ADAMTS12: variants seen among roughly 807,000 people sequenced by gnomAD.
ADAMTS12 encodes the protein A disintegrin and metalloproteinase with thrombospondin motifs 12.
Under a neutral mutation model 167.8 loss-of-function variants are expected in ADAMTS12, and 118 were observed. The observed-to-expected ratio is 0.70, with a 90% CI of 0.61 to 0.82. ADAMTS12 has a LOEUF of 0.82. Ranked by LOEUF, ADAMTS12 falls within the 40% of genes least tolerant of loss-of-function variation. ADAMTS12 has a pLI of 0.00. For missense variants in ADAMTS12, 1,916 were observed against 1,998.8 expected, an observed-to-expected ratio of 0.96 and a Z score of 0.79; for synonymous variants, 704 against 716.9, an observed-to-expected ratio of 0.98 and a Z score of 0.29.
chr5:33,687,105 A>T (rs562127696), intron 3 of ADAMTS12, among the ~76,000 whole-genome samples: 14 of 150,188 alleles, frequency 9.3e-5, no homozygotes, highest in Non-Finnish European at 1.6e-4. Flanking sequence ...TTTTTTAAAG[A>T]CATCTTTAAA....
At chr5:33,812,601 T>C (rs1747503363) in intron 2 of ADAMTS12, among the ~76,000 whole-genome samples, 3 of 152,244 alleles carry the variant, frequency 2.0e-5, no homozygotes, top group Admixed American at 2.0e-4. Flanking sequence ...TTGGACTTCA[T>C]GTAAATAAAT....
chr5:33,874,283 A>T (rs1487335590), intron 2 of ADAMTS12, among the ~76,000 whole-genome samples: 2 of 152,366 alleles, frequency 1.3e-5, no homozygotes, highest in Middle Eastern at 3.4e-3. Flanking sequence ...CAGGAACCTC[A>T]CTGAAGAAGA....
At chr5:33,598,159 C>A (rs995318736) in intron 16 of ADAMTS12, among the ~76,000 whole-genome samples, 5 of 152,162 alleles carry the variant, frequency 3.3e-5, no homozygotes, top group African/African-American at 1.2e-4. Flanking sequence ...AGTTTCTCCA[C>A]TGACATTAAT....
intron 2 of ADAMTS12, among the ~76,000 whole-genome samples, chr5:33,842,364 T>A (rs1455566889): frequency 1.1e-4 from 16 of 152,222 alleles, no homozygotes; most frequent in Admixed American, 1.0e-3. Context: ...AGGGAACTAT[T>A]ACAAATTATT....
At chr5:33,826,370 T>C (rs1364257031) in intron 2 of ADAMTS12, among the ~76,000 whole-genome samples, 2 of 151,932 alleles carry the variant, frequency 1.3e-5, no homozygotes, top group Admixed American at 6.6e-5. Flanking sequence ...AAAATGTTAA[T>C]AAAAAATAGT....
At chr5:33,800,177 T>C (rs1037690917) in intron 2 of ADAMTS12, among the ~76,000 whole-genome samples, 1 of 152,234 alleles carries the variant, frequency 6.6e-6, no homozygotes, top group Non-Finnish European at 1.5e-5. Flanking sequence ...ATTTGGTGAA[T>C]AGCTCAGTCA....
At chr5:33,866,310 T>A (rs187741780) in intron 2 of ADAMTS12, among the ~76,000 whole-genome samples, 1 of 152,240 alleles carries the variant, frequency 6.6e-6, no homozygotes, top group African/African-American at 2.4e-5. Context: ...CTCACTGATC[T>A]TTGACAAAAA....
chr5:33,546,070 T>C lies in ADAMTS12; in HGVS notation c.4435A>G (p.Asn1479Asp), dbSNP rs1455540117. The C allele has an allele frequency of 1.2e-6, 2 of 1,611,884 alleles. No homozygotes were observed. Among genetic ancestry groups the C allele is most frequent in the Non-Finnish European group, 1.7e-6 (2 of 1,179,476 alleles). The change falls in exon 22 of 24, where the codon AAC (asparagine) becomes GAC (aspartate). Residue 1479 changes from asparagine (N) to aspartate (D), a missense_variant. Coordinates refer to ENST00000504830, the MANE Select transcript of ADAMTS12 (RefSeq NM_030955.4). Reference sequence around the variant, plus strand: ...TAACCAAGTCTTACCAGGTCCCAGTTCCCAGTGGCCCAGTGACAGCACAGG... The same window carrying C: ...TAACCAAGTCTTACCAGGTCCCAGTCCCCAGTGGCCCAGTGACAGCACAGG... The part of the protein sequence containing the change: ...EHLCCHWATG[N>D]WDLCSTSCGG...
rs974483367 is a variant in ADAMTS12 at position 33,742,532 on chromosome 5, A to G, written c.634+8872T>C. Among the ~76,000 whole-genome samples the G allele has an allele frequency of 5.3e-5, 8 of 152,188 alleles. No homozygotes were observed. The East Asian group carries it at 1.5e-3, about 29-fold the overall frequency. ...GGCTCCCAGTGCTCTTGGAATGCTG[A>G]GACCCTTGCCCCAGGTAAGACTGAT... On this transcript the variant is annotated intron_variant, in intron 3 of 23. Transcript: ENST00000504830.
At chr5:33,814,622 T>C (rs1210055372) in intron 2 of ADAMTS12, among the ~76,000 whole-genome samples, 2 of 152,058 alleles carry the variant, frequency 1.3e-5, no homozygotes, top group African/African-American at 4.8e-5. Flanking sequence ...CCAGGGAATA[T>C]AAGTGTAGAT....
At chr5:33,528,990 A>T (rs550918515) in intron 23 of ADAMTS12, among the ~76,000 whole-genome samples, 1 of 152,338 alleles carries the variant, frequency 6.6e-6, no homozygotes, top group Non-Finnish European at 1.5e-5. Context: ...GGTTGCAGTG[A>T]GCTGAGATCG....
At chr5:33,817,189 A>G (rs1483057319) in intron 2 of ADAMTS12, among the ~76,000 whole-genome samples, 1 of 152,230 alleles carries the variant, frequency 6.6e-6, no homozygotes, top group Non-Finnish European at 1.5e-5. Flanking sequence ...TTGGATAAAC[A>G]AGTAAGAAAC....
intron 3 of ADAMTS12, among the ~76,000 whole-genome samples, chr5:33,738,263 G>A (rs1009652316): frequency 6.6e-6 from 1 of 151,972 alleles, no homozygotes; most frequent in African/African-American, 2.4e-5. Context: ...CCAGGAGCGA[G>A]AGTGGAAAAA....
intron 3 of ADAMTS12, among the ~76,000 whole-genome samples, chr5:33,692,465 AGGGCTGTTTTGT>A (rs1313101335): frequency 8.5e-4 from 129 of 152,350 alleles, no homozygotes; most frequent in African/African-American, 3.0e-3. Context: ...TGAATAGAAG[AGGGCTGTTTTGT>A]CTGTTTTGCT....
intron 21 of ADAMTS12, among the ~76,000 whole-genome samples, chr5:33,547,801 A>T (rs1382720574): frequency 6.6e-6 from 1 of 152,104 alleles, no homozygotes; most frequent in Non-Finnish European, 1.5e-5. Context: ...GATCGCCTGC[A>T]AATGTCATTT....
At chr5:33,586,059 G>A (rs1169712122) in intron 18 of ADAMTS12, among the ~76,000 whole-genome samples, 1 of 152,208 alleles carries the variant, frequency 6.6e-6, no homozygotes, top group Non-Finnish European at 1.5e-5. Context: ...TACAGTTTTA[G>A]ACCATCCAGG....
chr5:33,833,901 A>T (rs1338899259), intron 2 of ADAMTS12, among the ~76,000 whole-genome samples: 1 of 152,244 alleles, frequency 6.6e-6, no homozygotes, highest in African/African-American at 2.4e-5. Context: ...GGGCTACATT[A>T]GTTTGCTAGC....
intron 7 of ADAMTS12, among the ~76,000 whole-genome samples, chr5:33,653,528 T>A (rs1395774208): frequency 6.6e-6 from 1 of 152,160 alleles, no homozygotes. Context: ...ACTAGCTGCA[T>A]AAAATGAATT....
chr5:33,720,867 T>A lies in ADAMTS12; in HGVS notation c.634+30537A>T, dbSNP rs533727333. On this transcript the variant is annotated intron_variant, in intron 3 of 23. Coordinates refer to ENST00000504830, the MANE Select transcript of ADAMTS12 (RefSeq NM_030955.4). The stretch of plus-strand genomic sequence containing the variant: ...GGATGTGTGTGTACATGTGTATGTG[T>A]ATGTGTGATGTGTGTGTATTCTCAA... Among the ~76,000 whole-genome samples, 12 of 152,342 alleles carry A rather than the reference T, an allele frequency of 7.9e-5. No individual in the cohort carries two copies. In the East Asian group the frequency reaches 1.5e-3, roughly 20 times the overall value.
Sources: gnomAD v4.1 joint callset for allele counts (sites outside exome capture counted in the v4.1 genomes callset) on GRCh38, gnomAD v4.1.1 for gene constraint, MANE v1.5 for transcripts, NCBI Gene and HGNC (gene_info 2026-07-23, HGNC 2026-07-21) for gene names.